PLEKHG3: variants seen among roughly 807,000 people sequenced by gnomAD.
PLEKHG3 encodes pleckstrin homology domain-containing family G member 3.
Under a neutral mutation model 94.9 loss-of-function variants are expected in PLEKHG3, and 62 were observed. The ratio of observed to expected loss-of-function variants is 0.65; its 90% CI spans 0.53 to 0.81. PLEKHG3 has a LOEUF of 0.81. Among genes scored for constraint, PLEKHG3 ranks in the 30% least tolerant of loss-of-function variants. The pLI, the probability that PLEKHG3 is intolerant of heterozygous loss-of-function variation, is 0.00. For synonymous variants in PLEKHG3, 614 were observed against 654.0 expected (o/e 0.94, Z 0.93); for missense variants, 1,461 against 1,619.3 (o/e 0.90, Z 1.68).
Position 64,737,789 on chromosome 14 carries a change from C to T in PLEKHG3, c.1404+414C>T, listed in dbSNP as rs528563449. 2.4e-4 allele frequency: 186 copies of T among 787,754 alleles called. No individual in the cohort carries two copies. In the African/African-American group the frequency reaches 2.9e-3, roughly 12 times the overall value. The allele number at this position is 787,754 out of a possible 1,614,324, so 48.8% of individuals were successfully genotyped here. The stretch of plus-strand genomic sequence containing the variant: ...TGGCTTTCTGTGTGAAGGCTCCCCC[C>T]CCGCAGCTGCCTGCAGGAGGACGGG... On this transcript the variant is annotated intron_variant, in intron 14 of 16. Transcript: ENST00000247226.
rs229663 is a variant in PLEKHG3, at chr14:64,704,987, T to G, written c.-40+283T>G. 2.0e-5 allele frequency among the ~76,000 whole-genome samples: 3 copies of G among 152,018 alleles called. No homozygotes were observed. Among genetic ancestry groups the G allele is most frequent in the Non-Finnish European group, 4.4e-5 (3 of 67,980 alleles). ...AAAAGGGGCAAATGCGCCGGGCGGCTCCAGAGAGGCTCAGTTTGAAATCCA... is the reference window on the plus strand; with the variant it reads ...AAAAGGGGCAAATGCGCCGGGCGGCGCCAGAGAGGCTCAGTTTGAAATCCA... On this transcript the variant is annotated intron_variant, in intron 1 of 16. Transcript: ENST00000247226. The surrounding 1 kb of genome is among the most constrained non-coding windows in gnomAD (Gnocchi z 5.6).
In PLEKHG3 at chr14:64,718,540, G is replaced by A. The variant is rs1427563167; in HGVS notation, c.-39-9053G>A. On this transcript the variant is annotated intron_variant, in intron 1 of 16. Transcript: ENST00000247226. This position sits in a 1 kb window ranked among gnomAD's most constrained non-coding sequence, Gnocchi z 5.0. Reference sequence around the variant, plus strand: ...TGTCTTTGTGCACAGTAGGTGCTTGGTAAACAGCTTAGGTTGGAAGATTAC... The same window carrying A: ...TGTCTTTGTGCACAGTAGGTGCTTGATAAACAGCTTAGGTTGGAAGATTAC... Among the ~76,000 whole-genome samples the A allele has an allele frequency of 6.6e-6, 1 of 152,164 alleles. No individual in the cohort carries two copies. The highest frequency in any genetic ancestry group is 2.4e-5 in the African/African-American group (1 of 41,434).
Position 64,726,310 on chromosome 14 carries a change from G to C in PLEKHG3, c.-39-1283G>C, listed in dbSNP as rs1406410889. 6.6e-6 allele frequency among the ~76,000 whole-genome samples: 1 copy of C among 152,140 alleles called. No homozygotes were observed. The highest frequency in any genetic ancestry group is 3.2e-3 in the Middle Eastern group (1 of 316). On this transcript the variant is annotated intron_variant, in intron 1 of 16. Transcript: ENST00000247226. This position sits in a 1 kb window ranked among gnomAD's most constrained non-coding sequence, Gnocchi z 5.1. The stretch of plus-strand genomic sequence containing the variant: ...TCTTCTCCTTGTAGCTCAAGTCTCT[G>C]CCCTTTAGTCATGTCTGGGGTCTAG...
rs530305015 is a variant in PLEKHG3 at position 64,729,692 on chromosome 14, G to C, written c.450-551G>C. ...AAGAATCGTATCCCAGGCCCCTTAA[G>C]ATGGGCAGAGGGAGCTCTGGCTGTG... On this transcript the variant is annotated intron_variant, in intron 3 of 16. Coordinates refer to ENST00000247226, the MANE Select transcript of PLEKHG3 (RefSeq NM_001308147.2). 7.1e-4 allele frequency among the ~76,000 whole-genome samples: 108 copies of C among 152,318 alleles called. 1 individual carries two copies. The highest frequency in any genetic ancestry group is 2.8e-4 in the Non-Finnish European group (19 of 68,028).
Position 64,716,466 on chromosome 14 carries a change from A to AT in PLEKHG3, c.-39-11127_-39-11126insT, listed in dbSNP as rs1555359403. ...CACACACACACACACACACACACACAACACACACACACACAACACACACAC... is the reference window on the plus strand; with the variant it reads ...CACACACACACACACACACACACACATACACACACACACACAACACACACAC... On this transcript the variant is annotated intron_variant, in intron 1 of 16. Coordinates refer to ENST00000247226, the MANE Select transcript of PLEKHG3 (RefSeq NM_001308147.2). The surrounding 1 kb of genome is among the most constrained non-coding windows in gnomAD (Gnocchi z 5.0). Among the ~76,000 whole-genome samples, 1 of 86,446 alleles carries AT rather than the reference A, an allele frequency of 1.2e-5. No homozygotes were observed. Among genetic ancestry groups the AT allele is most frequent in the African/African-American group, 4.5e-5 (1 of 22,244 alleles). 56.7% of individuals were successfully genotyped at this position (86,446 alleles called of 152,430 possible). A position where few individuals can be genotyped will look rare whatever the true frequency, so the allele number is the denominator to read the frequency against.
At chr14:64,724,286 G>A (rs924161377) in intron 1 of PLEKHG3, among the ~76,000 whole-genome samples, 1 of 151,936 alleles carries the variant, frequency 6.6e-6, no homozygotes, top group Admixed American at 6.6e-5. Flanking sequence ...ACCATCAAAC[G>A]GTGCCTCCTG....
Position 64,749,341 on chromosome 14 carries a change from CCTT to C in PLEKHG3, c.*5639_*5641del, listed in dbSNP as rs776687653. ...TTGGGGAAGAAGCTGAATCTCTTCT[CCTT>C]GTCTTTCTTGCCGAGGCTGGCGTCG... On this transcript the variant is annotated 3_prime_UTR_variant, in exon 17 of 17. Coordinates refer to ENST00000247226, the MANE Select transcript of PLEKHG3 (RefSeq NM_001308147.2). The surrounding 1 kb of genome is among the most constrained non-coding windows in gnomAD (Gnocchi z 4.7). 1.2e-6 allele frequency: 2 copies of C among 1,609,944 alleles called. No individual in the cohort carries two copies. The highest frequency in any genetic ancestry group is 8.5e-7 in the Non-Finnish European group (1 of 1,179,328).
In PLEKHG3 at chr14:64,731,312, C is replaced by G; in HGVS notation, c.850-49C>G. 1.3e-6 allele frequency: 2 copies of G among 1,540,824 alleles called. No homozygotes were observed. Among genetic ancestry groups the G allele is most frequent in the Middle Eastern group, 2.2e-4 (1 of 4,472 alleles). On this transcript the variant is annotated intron_variant, in intron 7 of 16. Coordinates refer to ENST00000247226, the MANE Select transcript of PLEKHG3 (RefSeq NM_001308147.2). This position sits in a 1 kb window ranked among gnomAD's most constrained non-coding sequence, Gnocchi z 6.1. Reference sequence around the variant, plus strand: ...TTTGTGGCAGGGTTTGCAGAGCCTCCTAAGGCCCCAGTGGCCTGACTCTAG... The same window carrying G: ...TTTGTGGCAGGGTTTGCAGAGCCTCGTAAGGCCCCAGTGGCCTGACTCTAG...
intron 1 of PLEKHG3, among the ~76,000 whole-genome samples, chr14:64,710,721 AG>A (rs953946630): frequency 1.3e-5 from 2 of 151,982 alleles, no homozygotes; most frequent in African/African-American, 4.8e-5. Context: ...ACAAGCATAG[AG>A]GGGGAAAAAT....
Position 64,716,496 on chromosome 14 carries a change from A to ACACAC in PLEKHG3, c.-39-11097_-39-11096insCACAC, listed in dbSNP as rs1555359440. 9.9e-4 allele frequency among the ~76,000 whole-genome samples: 79 copies of ACACAC among 79,542 alleles called. No homozygotes were observed. Among genetic ancestry groups the ACACAC allele is most frequent in the South Asian group, 4.0e-3 (6 of 1,514 alleles). 52.2% of individuals were successfully genotyped at this position (79,542 alleles called of 152,430 possible). On this transcript the variant is annotated intron_variant, in intron 1 of 16. Transcript: ENST00000247226. This position sits in a 1 kb window ranked among gnomAD's most constrained non-coding sequence, Gnocchi z 5.0. The stretch of plus-strand genomic sequence containing the variant: ...ACACACACACAACACACACACACAC[A>ACACAC]ACACACACACACACACACACACACA...
Position 64,723,029 on chromosome 14 carries a change from C to T in PLEKHG3, c.-39-4564C>T, listed in dbSNP as rs1566698757. ...GTCAGAATGGGGCATGGTGCTGAGG[C>T]GTAGTGGGGAGGGGAAGGATGTGGC... On this transcript the variant is annotated intron_variant, in intron 1 of 16. Transcript: ENST00000247226. This position sits in a 1 kb window ranked among gnomAD's most constrained non-coding sequence, Gnocchi z 4.5. 6.6e-6 allele frequency among the ~76,000 whole-genome samples: 1 copy of T among 151,950 alleles called. No homozygotes were observed. The highest frequency in any genetic ancestry group is 1.5e-5 in the Non-Finnish European group (1 of 67,974).
rs1484584490 is a variant in PLEKHG3, at chr14:64,749,928, T to A, written c.*6225T>A. 4 of 1,612,448 alleles carry A rather than the reference T, an allele frequency of 2.5e-6. No individual in the cohort carries two copies. The highest frequency in any genetic ancestry group is 3.4e-6 in the Non-Finnish European group (4 of 1,178,702). Reference sequence around the variant, plus strand: ...CTACAGAGGGCCTCTGCCCTGCCACTAATGCCAAATCAAGCCATCAACCCG... The same window carrying A: ...CTACAGAGGGCCTCTGCCCTGCCACAAATGCCAAATCAAGCCATCAACCCG... On this transcript the variant is annotated 3_prime_UTR_variant, in exon 17 of 17. Coordinates refer to ENST00000247226, the MANE Select transcript of PLEKHG3 (RefSeq NM_001308147.2). The surrounding 1 kb of genome is among the most constrained non-coding windows in gnomAD (Gnocchi z 4.7).
At chr14:64,705,780 C>CAAGG (rs1331615253) in intron 1 of PLEKHG3, among the ~76,000 whole-genome samples, 1 of 152,204 alleles carries the variant, frequency 6.6e-6, no homozygotes, top group Non-Finnish European at 1.5e-5. Flanking sequence ...CTTTGTTGGA[C>CAAGG]AAGGATGGGA....
At chr14:64,735,801 A>G (rs57948739) in intron 12 of PLEKHG3, among the ~76,000 whole-genome samples, 36 of 152,316 alleles carry the variant, frequency 2.4e-4, no homozygotes, top group African/African-American at 8.7e-4. Flanking sequence ...CCACTCAGAG[A>G]GCTGAGATGA....
chr14:64,748,769 G>A lies in PLEKHG3; in HGVS notation c.*5066G>A, dbSNP rs553224994. On this transcript the variant is annotated 3_prime_UTR_variant, in exon 17 of 17. Transcript: ENST00000247226. ...CCTGGCCCAGAGCTAGGGCTTTGTG[G>A]GCCACCTGAAGGCTCCTTCCTCATG... 4 of 155,298 alleles carry A rather than the reference G, an allele frequency of 2.6e-5. No individual in the cohort carries two copies. The highest frequency in any genetic ancestry group is 4.3e-5 in the Non-Finnish European group (3 of 70,456). The allele number at this position is 155,298 out of a possible 1,614,324, so 9.6% of individuals were successfully genotyped here.
chr14:64,741,087 GA>G lies in PLEKHG3; in HGVS notation c.1572del (p.Ser527ValfsTer49). 2 of 1,610,548 alleles carry G rather than the reference GA, an allele frequency of 1.2e-6. No homozygotes were observed. Among genetic ancestry groups the G allele is most frequent in the Non-Finnish European group, 1.7e-6 (2 of 1,177,432 alleles). On this transcript the variant is annotated frameshift_variant, in exon 16 of 17. Coordinates refer to ENST00000247226, the MANE Select transcript of PLEKHG3 (RefSeq NM_001308147.2). LOFTEE classifies it high-confidence loss of function. ...GSEQEVFSAV[E>X]GPSAEETPSD... is the part of the protein sequence containing the mutation. The stretch of plus-strand genomic sequence containing the variant: ...TGAGCAAGAGGTATTTTCTGCTGTG[GA>G]AGGGCCCAGTGCCGAGGAGACGCCT...
intron 1 of PLEKHG3, among the ~76,000 whole-genome samples, chr14:64,705,850 G>C (rs1303493590): frequency 1.3e-5 from 2 of 152,216 alleles, no homozygotes; most frequent in African/African-American, 4.8e-5. Flanking sequence ...AGAACCAAAA[G>C]TGTACATTTA....
chr14:64,741,161 C>T lies in PLEKHG3; in HGVS notation c.1644C>T (p.His548=). 6.2e-7 allele frequency: 1 copy of T among 1,614,130 alleles called. No individual in the cohort carries two copies. The highest frequency in any genetic ancestry group is 8.5e-7 in the Non-Finnish European group (1 of 1,180,006). Residue 548 remains histidine, a synonymous_variant, in exon 16 of 17, where the codon CAC becomes CAT. Coordinates refer to ENST00000247226, the MANE Select transcript of PLEKHG3 (RefSeq NM_001308147.2). ...TCCTGGAGACACAGCTTGATGCCCA[C>T]CAGGGCCTTCTGGGGATGGACCCCC... The part of the protein sequence containing the change: ...PEVLETQLDA[H]QGLLGMDPPG...
Position 64,716,469 on chromosome 14 carries a change from A to C in PLEKHG3, c.-39-11124A>C, listed in dbSNP as rs1374622044. 2.2e-3 allele frequency among the ~76,000 whole-genome samples: 277 copies of C among 125,072 alleles called. 1 individual carries two copies. The highest frequency in any genetic ancestry group is 8.9e-3 in the African/African-American group (249 of 28,016). The allele number at this position is 125,072 out of a possible 152,430, so 82.1% of individuals were successfully genotyped here. A position where few individuals can be genotyped will look rare whatever the true frequency, so the allele number is the denominator to read the frequency against. On this transcript the variant is annotated intron_variant, in intron 1 of 16. Coordinates refer to ENST00000247226, the MANE Select transcript of PLEKHG3 (RefSeq NM_001308147.2). The surrounding 1 kb of genome is among the most constrained non-coding windows in gnomAD (Gnocchi z 5.0). ...ACACACACACACACACACACACAAC[A>C]CACACACACACAACACACACACACA...
Sources: gnomAD v4.1 joint callset for allele counts (sites outside exome capture counted in the v4.1 genomes callset) on GRCh38, gnomAD v4.1.1 for gene constraint, Gnocchi (gnomAD v3.1) non-coding constraint, MANE v1.5 for transcripts, NCBI Gene and HGNC (gene_info 2026-07-23, HGNC 2026-07-21) for gene names.